NBEA: variants seen among roughly 807,000 people sequenced by gnomAD.
NBEA encodes lysosomal-trafficking regulator 2.
In NBEA, 44 loss-of-function variants were observed where a neutral mutation model predicts 343.4. The observed-to-expected ratio is 0.13, with a 90% CI of 0.10 to 0.16. NBEA has a LOEUF of 0.16. Among genes scored for constraint, NBEA ranks in the 10% least tolerant of loss-of-function variants. The probability of loss-of-function intolerance (pLI) is 1.00; values close to 1 mark genes in which losing one functional copy is unlikely to be tolerated. For missense variants in NBEA, 2,555 were observed against 3,631.3 expected (o/e 0.70, Z 7.62); for synonymous variants, 1,175 against 1,238.7 (o/e 0.95, Z 1.08).
chr13:35,287,439 A>G, intron 34 of NBEA, among the ~76,000 whole-genome samples: 1 of 151,924 alleles, frequency 6.6e-6, no homozygotes, highest in Non-Finnish European at 1.5e-5. Context: ...TGTCTTTCAA[A>G]ACCATATAAT....
chr13:35,386,073 T>G (rs1328956432), intron 38 of NBEA, among the ~76,000 whole-genome samples: 1 of 152,094 alleles, frequency 6.6e-6, no homozygotes, highest in Non-Finnish European at 1.5e-5. Context: ...TGTTTATAAA[T>G]AGATAAAATA....
chr13:34,958,887 A>G (rs1434275972), intron 1 of NBEA, among the ~76,000 whole-genome samples: 1 of 152,180 alleles, frequency 6.6e-6, no homozygotes, highest in Non-Finnish European at 1.5e-5. Flanking sequence ...TAAGATCAGG[A>G]TCACCATGAA....
intron 34 of NBEA, among the ~76,000 whole-genome samples, chr13:35,254,421 T>C (rs1465030407): frequency 3.3e-5 from 5 of 151,102 alleles, no homozygotes; most frequent in African/African-American, 1.2e-4. Flanking sequence ...ACTCCTTCGC[T>C]AAGTTGATCA....
chr13:35,427,799 G>A (rs186260376), intron 38 of NBEA, among the ~76,000 whole-genome samples: 123 of 152,290 alleles, frequency 8.1e-4, no homozygotes, highest in South Asian at 3.3e-3. Flanking sequence ...GAGCTTCCCC[G>A]CTGCTTTGTT....
Position 35,048,552 on chromosome 13 carries a change from T to C in NBEA, c.724-11T>C. 1.2e-6 allele frequency: 2 copies of C among 1,601,166 alleles called. No homozygotes were observed. Among genetic ancestry groups the C allele is most frequent in the South Asian group, 2.2e-5 (2 of 89,010 alleles). ...ACTGATACTTTCGTACCTTTTCTCATTGCCTTGTAGGCAATTGCCTTGCCT... is the reference window on the plus strand; with the variant it reads ...ACTGATACTTTCGTACCTTTTCTCACTGCCTTGTAGGCAATTGCCTTGCCT... On this transcript the variant is annotated splice_polypyrimidine_tract_variant and intron_variant, in intron 4 of 58. Coordinates refer to ENST00000379939, the MANE Select transcript of NBEA (RefSeq NM_001385012.1).
chr13:35,229,114 T>C (rs1451777414), intron 33 of NBEA, among the ~76,000 whole-genome samples: 1 of 152,160 alleles, frequency 6.6e-6, no homozygotes, highest in Non-Finnish European at 1.5e-5. Flanking sequence ...CACTGCAGCC[T>C]TGACCTCCTG....
At chr13:35,528,432 T>C (rs1266861853) in intron 41 of NBEA, among the ~76,000 whole-genome samples, 1 of 152,238 alleles carries the variant, frequency 6.6e-6, no homozygotes, top group Non-Finnish European at 1.5e-5. Flanking sequence ...CAGAAGCAAT[T>C]CCACAACTTG....
chr13:35,095,560 T>G (rs1421497962), intron 10 of NBEA, among the ~76,000 whole-genome samples: 1 of 151,754 alleles, frequency 6.6e-6, no homozygotes, highest in Non-Finnish European at 1.5e-5. Context: ...AAATGAAGCT[T>G]ATTAAGAATT....
chr13:35,481,595 A>G (rs1314350418), intron 41 of NBEA, among the ~76,000 whole-genome samples: 1 of 151,880 alleles, frequency 6.6e-6, no homozygotes, highest in Admixed American at 6.6e-5. Flanking sequence ...TGTAGGAAAT[A>G]TGGATTCCAA....
At chr13:35,385,809 A>T (rs918965251) in intron 38 of NBEA, among the ~76,000 whole-genome samples, 1 of 152,192 alleles carries the variant, frequency 6.6e-6, no homozygotes, top group Non-Finnish European at 1.5e-5. Flanking sequence ...TCTGTTTCAT[A>T]CTGACTGAAC....
chr13:34,969,316 TAAAA>T (rs879643826), intron 1 of NBEA, among the ~76,000 whole-genome samples: 12 of 146,712 alleles, frequency 8.2e-5, no homozygotes, highest in East Asian at 3.9e-4. Flanking sequence ...TTTTGGTTTT[TAAAA>T]AAAAAAAACT....
At chr13:35,512,935 AG>A (rs2077335329) in intron 41 of NBEA, among the ~76,000 whole-genome samples, 1 of 152,048 alleles carries the variant, frequency 6.6e-6, no homozygotes, top group Admixed American at 6.6e-5. Context: ...GATTTTTCTA[AG>A]TTGTGCTTTG....
At chr13:35,451,164 C>T (rs904380702) in intron 39 of NBEA, among the ~76,000 whole-genome samples, 7 of 152,150 alleles carry the variant, frequency 4.6e-5, no homozygotes, top group Non-Finnish European at 8.8e-5. Flanking sequence ...CACTCTGTCG[C>T]CCAGGCTGGA....
chr13:35,468,490 T>C (rs908148482), intron 40 of NBEA, among the ~76,000 whole-genome samples: 29 of 152,184 alleles, frequency 1.9e-4, no homozygotes, highest in African/African-American at 6.8e-4. Flanking sequence ...TCCTTCCCTC[T>C]AGATAAGATT....
intron 35 of NBEA, among the ~76,000 whole-genome samples, chr13:35,295,183 A>T (rs1204727761): frequency 3.3e-5 from 5 of 149,574 alleles, no homozygotes; most frequent in Non-Finnish European, 5.9e-5. Flanking sequence ...CTAGGGTATT[A>T]TCCATTTCCA....
chr13:35,415,545 G>T (rs1159900012), intron 38 of NBEA, among the ~76,000 whole-genome samples: 3 of 152,152 alleles, frequency 2.0e-5, no homozygotes, highest in Non-Finnish European at 4.4e-5. Flanking sequence ...GATAGTTGTA[G>T]ATGTATGGTA....
chr13:35,454,114 A>C (rs1462571323), intron 40 of NBEA, among the ~76,000 whole-genome samples: 1 of 152,104 alleles, frequency 6.6e-6, no homozygotes, highest in Non-Finnish European at 1.5e-5. Context: ...TCCTCTGCCT[A>C]CTCTGTAGAG....
At chr13:35,269,023 G>A (rs2033918251) in intron 34 of NBEA, among the ~76,000 whole-genome samples, 1 of 151,940 alleles carries the variant, frequency 6.6e-6, no homozygotes, top group South Asian at 2.1e-4. Flanking sequence ...TTAAGAAAAT[G>A]GTTTTCAAGC....
At chr13:35,360,017 T>C (rs1242974045) in intron 38 of NBEA, among the ~76,000 whole-genome samples, 2 of 152,090 alleles carry the variant, frequency 1.3e-5, no homozygotes, top group African/African-American at 4.8e-5. Context: ...GAAGACATTA[T>C]TTTTTCTATT....
Sources: gnomAD v4.1 joint callset for allele counts (sites outside exome capture counted in the v4.1 genomes callset) on GRCh38, gnomAD v4.1.1 for gene constraint, MANE v1.5 for transcripts, NCBI Gene and HGNC (gene_info 2026-07-23, HGNC 2026-07-21) for gene names.